Variants in NPIPB8 observed in about 807,000 individuals in gnomAD.
The protein encoded by NPIPB8 is nuclear pore complex-interacting protein family member B8.
A neutral mutation model predicts 5.3 loss-of-function variants in NPIPB8; 3 were observed. The observed-to-expected ratio is 0.57, with a 90% CI of 0.26 to 1.47. The LOEUF (loss-of-function observed/expected upper bound fraction) is 1.47. NPIPB8 is among the 40% of genes most tolerant of loss of function. NPIPB8 has a pLI of 0.13. For missense variants in NPIPB8, 50 were observed against 50.2 expected (o/e 1.00, Z 0.01); for synonymous variants, 18 against 23.0 (o/e 0.78, Z 0.62).
At chr16:28,642,261 A>G (rs1053429182) in intron 2 of NPIPB8, among the ~76,000 whole-genome samples, 13 of 151,592 alleles carry the variant, frequency 8.6e-5, no homozygotes, top group Admixed American at 6.6e-4. Flanking sequence ...GTGTGCCACC[A>G]TGCCTGGCTA....
chr16:28,638,541 C>T lies in NPIPB8; in HGVS notation c.120+61C>T, dbSNP rs2047833325. ...TTGAGCAGTTCCCGGGTCTCAGCTG[C>T]CACACATCTCATAGCGGGTGATGCT... On this transcript the variant is annotated intron_variant, in intron 2 of 7. Coordinates refer to ENST00000683297, the MANE Select transcript of NPIPB8 (RefSeq NM_001310136.2). 17 of 1,483,644 alleles carry T rather than the reference C, an allele frequency of 1.1e-5. No homozygotes were observed. The South Asian group carries it at 1.8e-4, about 16-fold the overall frequency. 91.9% of individuals were successfully genotyped at this position (1,483,644 alleles called of 1,614,324 possible). A position where few individuals can be genotyped will look rare whatever the true frequency, so the allele number is the denominator to read the frequency against.
chr16:28,644,419 T>C (rs1278527819), intron 2 of NPIPB8, among the ~76,000 whole-genome samples: 21 of 5,610 alleles, frequency 3.7e-3, no homozygotes, highest in East Asian at 4.3e-3. Context: ...TTCCCTTACT[T>C]CCCCCCTTCC....
intron 2 of NPIPB8, among the ~76,000 whole-genome samples, chr16:28,644,339 C>A (rs976106180): frequency 8.4e-6 from 1 of 119,152 alleles, no homozygotes; most frequent in East Asian, 2.5e-4. Flanking sequence ...TTTCCCAGAC[C>A]CCTTTCTTCT....
intron 5 of NPIPB8, among the ~76,000 whole-genome samples, chr16:28,653,246 T>C (rs1244519473): frequency 1.2e-5 from 1 of 84,392 alleles, no homozygotes; most frequent in Non-Finnish European, 2.3e-5. Flanking sequence ...ATAATTTTTG[T>C]ATTCTTAGTA....
chr16:28,640,716 A>C (rs1319329891), intron 2 of NPIPB8, among the ~76,000 whole-genome samples: 1 of 152,186 alleles, frequency 6.6e-6, no homozygotes, highest in Non-Finnish European at 1.5e-5. Flanking sequence ...AGTTTGTCCC[A>C]GAGCTGCACA....
intron 2 of NPIPB8, among the ~76,000 whole-genome samples, chr16:28,642,785 GT>G (rs1471682275): frequency 2.6e-5 from 4 of 151,650 alleles, no homozygotes; most frequent in East Asian, 1.9e-4. Context: ...CCCAGCCCCT[GT>G]TTTGTTTTTG....
chr16:28,651,258 T>C (rs4788096), intron 3 of NPIPB8, among the ~76,000 whole-genome samples: 1,135 of 25,966 alleles, frequency 0.044, 1 homozygote, highest in Admixed American at 0.057. Flanking sequence ...GCTGGGATTA[T>C]AGGCGTGAGC....
rs1362624619 is a variant in NPIPB8, at chr16:28,643,411, A to AT, written c.121-4720dup. Among the ~76,000 whole-genome samples, 227 of 109,948 alleles carry AT rather than the reference A, an allele frequency of 2.1e-3. 2 individuals are homozygous for AT. The highest frequency in any genetic ancestry group is 7.1e-3 in the African/African-American group (207 of 29,234). The allele number at this position is 109,948 out of a possible 152,430, so 72.1% of individuals were successfully genotyped here. A position where few individuals can be genotyped will look rare whatever the true frequency, so the allele number is the denominator to read the frequency against. ...AGGAATTCCCAGGCCAGAGGGAGAC[A>AT]TTTTATTGCCATGTTATGATCTTAT... is the stretch of plus-strand genomic sequence containing the variant. On this transcript the variant is annotated intron_variant, in intron 2 of 7. Transcript: ENST00000683297.
chr16:28,638,991 T>C (rs1409289532), intron 2 of NPIPB8, among the ~76,000 whole-genome samples: 1 of 150,150 alleles, frequency 6.7e-6, no homozygotes, highest in Non-Finnish European at 1.5e-5. Flanking sequence ...ATTGCTTAGA[T>C]TCAGGAGGTG....
chr16:28,642,005 C>T (rs1414116479), intron 2 of NPIPB8, among the ~76,000 whole-genome samples: 1 of 150,418 alleles, frequency 6.6e-6, no homozygotes, highest in Non-Finnish European at 1.5e-5. Flanking sequence ...CCTTCATGGA[C>T]ATTATAGTAC....
At chr16:28,645,112 C>T (rs558599071) in intron 2 of NPIPB8, among the ~76,000 whole-genome samples, 59 of 129,522 alleles carry the variant, frequency 4.6e-4, no homozygotes, top group African/African-American at 1.5e-3. Flanking sequence ...GGCAAGATCT[C>T]GGCTCACTGC....
At chr16:28,645,193 G>A (rs2047980184) in intron 2 of NPIPB8, among the ~76,000 whole-genome samples, 1 of 132,900 alleles carries the variant, frequency 7.5e-6, no homozygotes, top group African/African-American at 2.8e-5. Context: ...ACAACGCCTG[G>A]CTAATTTTTG....
chr16:28,638,411 G>C lies in NPIPB8; in HGVS notation c.51G>C (p.Gln17His), dbSNP rs752549271. The change falls in exon 2 of 8, where the codon CAG (glutamine) becomes CAC (histidine). Residue 17 changes from glutamine (Q) to histidine (H), a missense_variant. Gln to His is a conservative substitution (Grantham distance 24). Coordinates refer to ENST00000683297, the MANE Select transcript of NPIPB8 (RefSeq NM_001310136.2). Reference sequence around the variant, plus strand: ...CCCCACAGTTCCTGTCCCATGACCAGGGCCAGCTCACCAAGGAGCTGCAGC... The same window carrying C: ...CCCCACAGTTCCTGTCCCATGACCACGGCCAGCTCACCAAGGAGCTGCAGC... ...VLTPQFLSHDQGQLTKELQQH... is the reference protein window; with the variant it reads ...VLTPQFLSHDHGQLTKELQQH... 1 of 1,572,940 alleles carries C rather than the reference G, an allele frequency of 6.4e-7. No homozygotes were observed. The highest frequency in any genetic ancestry group is 8.6e-7 in the Non-Finnish European group (1 of 1,167,044).
At chr16:28,644,614 A>G (rs750760234) in intron 2 of NPIPB8, 2 of 1,504,802 alleles carry the variant, frequency 1.3e-6, no homozygotes, top group East Asian at 5.0e-5. Flanking sequence ...TTGGCTCCTC[A>G]TTTGGCTCCT....
chr16:28,645,486 C>A (rs2047986854), intron 2 of NPIPB8, among the ~76,000 whole-genome samples: 1 of 6,782 alleles, frequency 1.5e-4, no homozygotes, highest in Admixed American at 1.3e-3. Flanking sequence ...GGGGCAATAT[C>A]AGCTCACCGC....
intron 2 of NPIPB8, among the ~76,000 whole-genome samples, chr16:28,642,725 G>A (rs1234750442): frequency 1.5e-4 from 23 of 149,844 alleles, no homozygotes; most frequent in South Asian, 6.3e-4. Flanking sequence ...CTTGTGATCC[G>A]CCCACCTCGG....
intron 2 of NPIPB8, among the ~76,000 whole-genome samples, chr16:28,641,072 A>G (rs3869378): frequency 6.6e-6 from 1 of 152,046 alleles, no homozygotes; most frequent in African/African-American, 2.4e-5. Context: ...TGTGTCGTGC[A>G]TGTATTCTGT....
rs554368147 is a variant in NPIPB8, at chr16:28,652,766, T to G, written c.599+402T>G. On this transcript the variant is annotated intron_variant, in intron 5 of 7. Transcript: ENST00000683297. ...ACAGGTGCCCACCACCATGCCCAGC[T>G]AATTTTTGTATTTTTACTAGAGATG... Among the ~76,000 whole-genome samples, 340 of 137,118 alleles carry G rather than the reference T, an allele frequency of 2.5e-3. 28 individuals carry two copies. The highest frequency in any genetic ancestry group is 9.5e-3 in the African/African-American group (329 of 34,530). 90.0% of individuals were successfully genotyped at this position (137,118 alleles called of 152,430 possible). A position where few individuals can be genotyped will look rare whatever the true frequency, so the allele number is the denominator to read the frequency against.
intron 2 of NPIPB8, among the ~76,000 whole-genome samples, chr16:28,642,294 CA>C (rs1310944786): frequency 6.6e-6 from 1 of 151,580 alleles, no homozygotes; most frequent in Admixed American, 6.6e-5. Context: ...TTAGTAGAGA[CA>C]GGGTTTCACC....
Sources: allele counts gnomAD v4.1 joint callset (sites outside exome capture counted in the v4.1 genomes callset), GRCh38; gene constraint gnomAD v4.1.1; transcripts MANE v1.5; gene names NCBI Gene and HGNC (gene_info 2026-07-23, HGNC 2026-07-21).